TALDO1: variants seen among roughly 807,000 people sequenced by gnomAD.
TALDO1 encodes the protein transaldolase 1, also known as transaldolase.
Under a neutral mutation model 38.1 loss-of-function variants are expected in TALDO1, and 29 were observed. That is an observed-to-expected ratio of 0.76 (90% CI 0.57 to 1.04). The LOEUF is 1.04. Ranked by LOEUF, TALDO1 falls within the 50% of genes least tolerant of loss-of-function variation. TALDO1 has a pLI of 0.00. For missense variants in TALDO1, 499 were observed against 438.1 expected (o/e 1.14, Z -1.24); for synonymous variants, 207 against 176.8 (o/e 1.17, Z -1.36).
At chr11:750,830 A>G (rs1021888720) in intron 1 of TALDO1, among the ~76,000 whole-genome samples, 5 of 79,910 alleles carry the variant, frequency 6.3e-5, no homozygotes, top group Non-Finnish European at 1.3e-4. Flanking sequence ...GTCTCAAAAG[A>G]AAAAAAAAAA....
intron 1 of TALDO1, 77 bp downstream of exon 1, chr11:747,655 C>G (rs910567226): frequency 7.8e-7 from 1 of 1,287,594 alleles, no homozygotes. Flanking sequence ...CCGGGTCTCC[C>G]GTTCCGGGAC....
chr11:761,643 T>C (rs1169841865), intron 4 of TALDO1, among the ~76,000 whole-genome samples: 1 of 152,258 alleles, frequency 6.6e-6, no homozygotes, highest in Admixed American at 6.5e-5. Context: ...AGGTGTTTTG[T>C]TTCCACATCT....
At chr11:764,690 C>G in intron 7 of TALDO1, 123 bp from the exon 8 acceptor site, 1 of 1,500,098 alleles carries the variant, frequency 6.7e-7, no homozygotes, top group Non-Finnish European at 9.3e-7. Context: ...ACCCTGTGGC[C>G]GTGGCCCCCA....
intron 6 of TALDO1, 35 bp downstream of exon 6, chr11:763,979 G>C (rs538249092): frequency 1.3e-6 from 2 of 1,599,638 alleles, no homozygotes; most frequent in Non-Finnish European, 1.7e-6. Context: ...GCTCCTGCTC[G>C]GGCAAGGCCA....
At chr11:757,289 ATTTTTTT>A (rs555623617) in intron 2 of TALDO1, among the ~76,000 whole-genome samples, 1 of 135,596 alleles carries the variant, frequency 7.4e-6, no homozygotes, top group Non-Finnish European at 1.6e-5. Context: ...ATGGCCCCAA[ATTTTTTT>A]TTTTTTTTTT....
rs890722912 is a variant in TALDO1 at position 764,032 on chromosome 11, T to C, written c.835+88T>C. 1.7e-5 allele frequency: 25 copies of C among 1,495,758 alleles called. No homozygotes were observed. The African/African-American group carries it at 3.0e-4, about 18-fold the overall frequency. The allele number at this position is 1,495,758 out of a possible 1,614,324, so 92.7% of individuals were successfully genotyped here. ...TGCCCTGTGGGTGATCCCTCCCACC[T>C]GTGGGGCGAGCTCATCTTGGGAGAC... On this transcript the variant is annotated intron_variant, in intron 6 of 7. Transcript: ENST00000319006.
rs937017455 is a variant in TALDO1, at chr11:764,679, C to T, written c.982-134C>T. On this transcript the variant is annotated intron_variant, in intron 7 of 7. Coordinates refer to ENST00000319006, the MANE Select transcript of TALDO1 (RefSeq NM_006755.2). ...CCTGTGTGGTGACTGTGGTATTGGC[C>T]ACCCTGTGGCCGTGGCCCCCACACA... 3.5e-5 allele frequency: 51 copies of T among 1,466,202 alleles called. 2 individuals carry two copies. The South Asian group carries it at 5.5e-4, about 16-fold the overall frequency. The allele number at this position is 1,466,202 out of a possible 1,614,324, so 90.8% of individuals were successfully genotyped here. A position where few individuals can be genotyped will look rare whatever the true frequency, so the allele number is the denominator to read the frequency against.
At chr11:753,095 C>T (rs1171049775) in intron 1 of TALDO1, among the ~76,000 whole-genome samples, 1 of 152,122 alleles carries the variant, frequency 6.6e-6, no homozygotes, top group African/African-American at 2.4e-5. Context: ...GAATGCAGTT[C>T]AGGTTGTTTC....
rs1438377991 is a variant in TALDO1, at chr11:763,887, C to T, written c.778C>T (p.Leu260=). The change falls in exon 6 of 8, where the codon CTG becomes TTG. Residue 260 remains leucine (L), a synonymous_variant. Coordinates refer to ENST00000319006, the MANE Select transcript of TALDO1 (RefSeq NM_006755.2). ...CTTCCTCACCATCTCACCCAAGCTC[C>T]TGGGAGAGCTGCTGCAGGACAACGC... ...CDFLTISPKL[L]GELLQDNAKL... The T allele has an allele frequency of 3.7e-6, 6 of 1,613,426 alleles. No individual in the cohort carries two copies. Among genetic ancestry groups the T allele is most frequent in the Admixed American group, 1.7e-5 (1 of 60,034 alleles).
intron 2 of TALDO1, 113 bp downstream of exon 2, chr11:756,115 A>G (rs1325542824): frequency 3.7e-5 from 52 of 1,418,830 alleles, no homozygotes; most frequent in Non-Finnish European, 4.7e-5. Flanking sequence ...TCAAGGGGGG[A>G]AAAAAACCCT....
chr11:763,994 T>C (rs1227121965), intron 6 of TALDO1, 50 bp downstream of exon 6: 4 of 1,587,136 alleles, frequency 2.5e-6, no homozygotes, highest in Admixed American at 1.7e-5. Flanking sequence ...AGGCCAGCAC[T>C]GCCGTGCCAC....
intron 2 of TALDO1, chr11:756,399 G>A (rs1224682864): frequency 4.8e-6 from 1 of 208,538 alleles, no homozygotes; most frequent in South Asian, 7.3e-5. Context: ...GTATAGTGGA[G>A]CAATCTTGGC....
intron 3 of TALDO1, among the ~76,000 whole-genome samples, chr11:759,453 G>A (rs1054145990): frequency 2.6e-5 from 4 of 151,802 alleles, no homozygotes; most frequent in Non-Finnish European, 2.9e-5. Flanking sequence ...ATAGAGATGG[G>A]GTTTGACCAT....
intron 1 of TALDO1, among the ~76,000 whole-genome samples, chr11:750,881 T>A (rs921334148): frequency 6.6e-6 from 1 of 152,014 alleles, no homozygotes; most frequent in African/African-American, 2.4e-5. Context: ...GGCCATTCTA[T>A]GGGTGTCAAT....
chr11:763,194 GCCCTCACCTGCCCCGCCCTCACCTGC>G (rs1862972063), intron 4 of TALDO1, 124 bp from the exon 5 acceptor site: 1 of 233,282 alleles, frequency 4.3e-6, no homozygotes. Flanking sequence ...CACCTGCCCC[GCCCTCACCTGCCCCGCCCTCACCTGC>G]CCCCGCCCTC....
intron 2 of TALDO1, among the ~76,000 whole-genome samples, chr11:757,138 CTCT>C (rs1862851269): frequency 6.6e-6 from 1 of 152,134 alleles, no homozygotes; most frequent in African/African-American, 2.4e-5. Flanking sequence ...CCTCTCCTCT[CTCT>C]TCTTAGCTCC....
At chr11:761,522 G>A (rs2069958705) in intron 4 of TALDO1, among the ~76,000 whole-genome samples, 1 of 151,998 alleles carries the variant, frequency 6.6e-6, no homozygotes. Context: ...CCAAACATAT[G>A]TACGTTCAGA....
chr11:763,749 G>A lies in TALDO1; in HGVS notation c.640G>A (p.Val214Ile). 1.2e-6 allele frequency: 2 copies of A among 1,614,004 alleles called. No homozygotes were observed. The highest frequency in any genetic ancestry group is 1.7e-6 in the Non-Finnish European group (2 of 1,180,012). ...GTCACAGCTTGGTCTCTTTCCAGGG[G>A]TAAAGAGTGTCACTAAAATCTACAA... is the stretch of plus-strand genomic sequence containing the variant. ...KSYEPLEDPG[V>I]KSVTKIYNYY... Residue 214 changes from valine (V) to isoleucine (I), a missense_variant and splice_region_variant, in exon 6 of 8, where the codon GTA becomes ATA. Transcript: ENST00000319006.
At chr11:764,542 TCA>T (rs1863015081) in intron 7 of TALDO1, 109 bp downstream of exon 7, 1 of 1,525,310 alleles carries the variant, frequency 6.6e-7, no homozygotes, top group Non-Finnish European at 8.9e-7. Context: ...ACCCCAGGTC[TCA>T]TTCACGTGCT....
Sources: gnomAD v4.1 joint callset for allele counts (sites outside exome capture counted in the v4.1 genomes callset) on GRCh38, gnomAD v4.1.1 for gene constraint, MANE v1.5 for transcripts, NCBI Gene and HGNC (gene_info 2026-07-23, HGNC 2026-07-21) for gene names.